SLC38A9: variants seen among roughly 807,000 people sequenced by gnomAD.
SLC38A9 encodes the protein solute carrier family 38 member 9, also known as neutral amino acid transporter 9.
Under a neutral mutation model 62.3 loss-of-function variants are expected in SLC38A9, and 48 were observed. The observed-to-expected ratio is 0.77, with a 90% CI of 0.61 to 0.98. The LOEUF is 0.98. Among genes scored for constraint, SLC38A9 ranks in the 50% least tolerant of loss-of-function variants. The pLI is 0.00. For synonymous variants in SLC38A9, 204 were observed against 227.7 expected (o/e 0.90, Z 0.94); for missense variants, 541 against 679.8 (o/e 0.80, Z 2.27).
intron 10 of SLC38A9, 42 bp from the exon 11 acceptor site, chr5:55,649,356 G>T: frequency 8.3e-7 from 1 of 1,206,742 alleles, no homozygotes; most frequent in Non-Finnish European, 1.2e-6. Context: ...ATCTTTGTGT[G>T]TTTTACAGAT....
At chr5:55,697,230 T>C (rs1413683413) in intron 3 of SLC38A9, 1 of 154,096 alleles carries the variant, frequency 6.5e-6, no homozygotes, top group Admixed American at 6.5e-5. Context: ...GTGGAGGTTG[T>C]AGCGAGCCGA....
At chr5:55,691,810 GAAT>G (rs1421945087) in intron 3 of SLC38A9, among the ~76,000 whole-genome samples, 5 of 152,134 alleles carry the variant, frequency 3.3e-5, no homozygotes, top group African/African-American at 9.7e-5. Flanking sequence ...GGGGTATGCA[GAAT>G]AAAAAGTAGG....
intron 7 of SLC38A9, among the ~76,000 whole-genome samples, chr5:55,665,581 A>C (rs1325288111): frequency 2.0e-5 from 3 of 151,900 alleles, no homozygotes; most frequent in Non-Finnish European, 4.4e-5. Flanking sequence ...AAAGAAAGAA[A>C]TCAAATAATA....
intron 2 of SLC38A9, among the ~76,000 whole-genome samples, chr5:55,699,973 A>G (rs1389893673): frequency 1.3e-5 from 2 of 152,214 alleles, no homozygotes; most frequent in Admixed American, 1.3e-4. Context: ...ATAATGGCTG[A>G]CCATTAAAGA....
chr5:55,687,960 G>A (rs1398169570), intron 3 of SLC38A9, among the ~76,000 whole-genome samples: 1 of 152,184 alleles, frequency 6.6e-6, no homozygotes, highest in Non-Finnish European at 1.5e-5. Flanking sequence ...GCCTCCCAAA[G>A]TGTTGGGATT....
chr5:55,691,884 A>C (rs1754803262), intron 3 of SLC38A9, among the ~76,000 whole-genome samples: 1 of 152,156 alleles, frequency 6.6e-6, no homozygotes, highest in African/African-American at 2.4e-5. Flanking sequence ...CTATAACAAC[A>C]AGCTCCTTCC....
chr5:55,711,344 C>G (rs1452462305), intron 2 of SLC38A9, 108 bp downstream of exon 2: 1 of 152,054 alleles, frequency 6.6e-6, no homozygotes, highest in Non-Finnish European at 1.5e-5. Flanking sequence ...GGTGGAGGTA[C>G]AACTTACAAC....
At chr5:55,708,412 T>G (rs1757575680) in intron 2 of SLC38A9, among the ~76,000 whole-genome samples, 1 of 152,256 alleles carries the variant, frequency 6.6e-6, no homozygotes, top group Non-Finnish European at 1.5e-5. Flanking sequence ...TAAACTGGTA[T>G]GACATTATTT....
chr5:55,688,440 C>T (rs1387453485), intron 3 of SLC38A9, among the ~76,000 whole-genome samples: 2 of 140,152 alleles, frequency 1.4e-5, no homozygotes, highest in African/African-American at 5.2e-5. Flanking sequence ...AGTGCAGTGG[C>T]CCGATCCCGG....
chr5:55,705,930 G>A (rs1175270998), intron 2 of SLC38A9, among the ~76,000 whole-genome samples: 1 of 152,032 alleles, frequency 6.6e-6, no homozygotes. Flanking sequence ...GGCAGGTCTC[G>A]AACTCCTGAC....
chr5:55,668,781 C>T (rs747597080), intron 7 of SLC38A9, among the ~76,000 whole-genome samples: 1 of 152,160 alleles, frequency 6.6e-6, no homozygotes, highest in Non-Finnish European at 1.5e-5. Flanking sequence ...GTTCACACAA[C>T]TTCAAATATT....
intron 12 of SLC38A9, among the ~76,000 whole-genome samples, chr5:55,640,964 C>G (rs111888004): frequency 0.049 from 7,437 of 152,036 alleles, 314 homozygotes; most frequent in African/African-American, 0.12. Flanking sequence ...AGCCTCCCTA[C>G]TAGCTGGGAT....
rs190362485 is a variant in SLC38A9, at chr5:55,710,968, G to A, written c.-35+484C>T. 7.9e-5 allele frequency among the ~76,000 whole-genome samples: 12 copies of A among 151,874 alleles called. No individual in the cohort carries two copies. The East Asian group carries it at 1.6e-3, about 20-fold the overall frequency. On this transcript the variant is annotated intron_variant, in intron 2 of 15. Coordinates refer to ENST00000396865, the MANE Select transcript of SLC38A9 (RefSeq NM_173514.4). ...CTCAGCAGCTGCCTATCCTACATAT[G>A]TCAGATCTTTGTCATGTCTGAAGGT...
At chr5:55,706,587 A>G (rs1478364037) in intron 2 of SLC38A9, among the ~76,000 whole-genome samples, 1 of 152,218 alleles carries the variant, frequency 6.6e-6, no homozygotes, top group Non-Finnish European at 1.5e-5. Flanking sequence ...TCTGCAGCAT[A>G]GCAGAATTAG....
chr5:55,680,667 G>A (rs1032309518), intron 3 of SLC38A9, among the ~76,000 whole-genome samples: 8 of 94,916 alleles, frequency 8.4e-5, no homozygotes, highest in Non-Finnish European at 2.1e-4. Context: ...GCACCAAATG[G>A]ACAAGGCACT....
intron 3 of SLC38A9, among the ~76,000 whole-genome samples, chr5:55,677,985 G>A (rs1461124394): frequency 2.8e-5 from 4 of 143,884 alleles, no homozygotes. Flanking sequence ...AGGGAGGGTA[G>A]TGGCTGGAAC....
intron 9 of SLC38A9, among the ~76,000 whole-genome samples, chr5:55,654,225 T>C (rs1748017436): frequency 6.6e-6 from 1 of 152,256 alleles, no homozygotes; most frequent in Non-Finnish European, 1.5e-5. Flanking sequence ...AGCCAAACAT[T>C]TAATTTTCTT....
chr5:55,645,919 A>C (rs1746253632), intron 11 of SLC38A9, 24 bp from the exon 12 acceptor site: 2 of 1,466,124 alleles, frequency 1.4e-6, no homozygotes, highest in Non-Finnish European at 9.4e-7. Flanking sequence ...AAAAACAAGA[A>C]CATTAAAACT....
intron 11 of SLC38A9, among the ~76,000 whole-genome samples, chr5:55,648,066 CCT>C (rs1174464848): frequency 2.6e-5 from 4 of 152,014 alleles, no homozygotes; most frequent in African/African-American, 9.7e-5. Flanking sequence ...ATGGTGAAAC[CCT>C]GTCTCTACTA....
Sources: gnomAD v4.1 joint callset for allele counts (sites outside exome capture counted in the v4.1 genomes callset) on GRCh38, gnomAD v4.1.1 for gene constraint, MANE v1.5 for transcripts, NCBI Gene and HGNC (gene_info 2026-07-23, HGNC 2026-07-21) for gene names.